Variants in HTR7 observed in about 807,000 individuals in gnomAD.
The protein encoded by HTR7 is 5-hydroxytryptamine receptor 7, also known as 5-HT-7.
In HTR7, 16 loss-of-function variants were observed where a neutral mutation model predicts 34.0. The ratio of observed to expected loss-of-function variants is 0.47; its 90% CI spans 0.32 to 0.71. The LOEUF is 0.71. Ranked by LOEUF, HTR7 falls within the 30% of genes least tolerant of loss-of-function variation. The probability of loss-of-function intolerance (pLI) is 0.04; values close to 1 mark genes in which losing one functional copy is unlikely to be tolerated. For synonymous variants in HTR7, 265 were observed against 260.2 expected, an observed-to-expected ratio of 1.02 and a Z score of -0.18; for missense variants, 504 against 625.5, an observed-to-expected ratio of 0.81 and a Z score of 2.07.
At chr10:90,760,931 ATG>A (rs765643994) in intron 1 of HTR7, among the ~76,000 whole-genome samples, 4 of 152,324 alleles carry the variant, frequency 2.6e-5, no homozygotes, top group African/African-American at 7.2e-5. Context: ...TACAATTATT[ATG>A]TGTCAAAAAA....
At chr10:90,841,881 T>A (rs552353140) in intron 1 of HTR7, among the ~76,000 whole-genome samples, 2 of 152,196 alleles carry the variant, frequency 1.3e-5, no homozygotes, top group South Asian at 4.1e-4. Context: ...ACGACTGTAA[T>A]CGCAGCTACT....
At position 90,740,876 on chromosome 10, in the gene HTR7, A is replaced by T. The variant is rs1457441849; in HGVS notation, c.*1606T>A. On this transcript the variant is annotated 3_prime_UTR_variant, in exon 4 of 4. Transcript: ENST00000336152. The stretch of plus-strand genomic sequence containing the variant: ...TTCAGCTACAAATAAACTTTATTTG[A>T]TGTAATGTAATAAAACATTTTCAAG... 6.6e-6 allele frequency: 1 copy of T among 152,564 alleles called. No individual in the cohort carries two copies. Among genetic ancestry groups the T allele is most frequent in the Non-Finnish European group, 1.5e-5 (1 of 68,016 alleles). The allele number at this position is 152,564 out of a possible 1,614,324, so 9.5% of individuals were successfully genotyped here.
At chr10:90,833,322 G>A (rs1846205391) in intron 1 of HTR7, among the ~76,000 whole-genome samples, 1 of 152,130 alleles carries the variant, frequency 6.6e-6, no homozygotes, top group Admixed American at 6.5e-5. Context: ...GATTTACCAT[G>A]AATAGACCAT....
chr10:90,782,877 T>C lies in HTR7; in HGVS notation c.540-33283A>G, dbSNP rs959117045. ...CTCATACCATTGATTCCATCTTTTA[T>C]ATATTTAAAACAGTGAACATGGCTA... On this transcript the variant is annotated intron_variant, in intron 1 of 3. Coordinates refer to ENST00000336152, the MANE Select transcript of HTR7 (RefSeq NM_019859.4). Among the ~76,000 whole-genome samples, 3 of 152,236 alleles carry C rather than the reference T, an allele frequency of 2.0e-5. No individual in the cohort carries two copies. The East Asian group carries it at 5.8e-4, about 29-fold the overall frequency.
rs528186532 is a variant in HTR7 at position 90,851,403 on chromosome 10, A to G, written c.539+5730T>C. On this transcript the variant is annotated intron_variant, in intron 1 of 3. Coordinates refer to ENST00000336152, the MANE Select transcript of HTR7 (RefSeq NM_019859.4). ...GGGCGGATCATGAGGTCAGGAGATC[A>G]AGACCATCCTGGCTAACAAGGTGAA... 4.4e-3 allele frequency among the ~76,000 whole-genome samples: 662 copies of G among 151,960 alleles called. 5 individuals carry two copies. The highest frequency in any genetic ancestry group is 0.015 in the African/African-American group (631 of 41,464).
intron 1 of HTR7, among the ~76,000 whole-genome samples, chr10:90,761,756 C>G (rs1844940936): frequency 6.6e-6 from 1 of 152,010 alleles, no homozygotes; most frequent in African/African-American, 2.4e-5. Context: ...CATACCTTAT[C>G]CTACAACTAA....
rs141689235 is a variant in HTR7, at chr10:90,810,407, C to T, written c.539+46726G>A. ...ATCTAATCACCCTTACCCCACTCAA[C>T]GCCAGTATCCCATCCCACAGCACGC... On this transcript the variant is annotated intron_variant, in intron 1 of 3. Transcript: ENST00000336152. 1.4e-3 allele frequency among the ~76,000 whole-genome samples: 215 copies of T among 152,274 alleles called. 2 individuals are homozygous for T. Among genetic ancestry groups the T allele is most frequent in the Non-Finnish European group, 2.1e-3 (142 of 68,026 alleles).
intron 1 of HTR7, among the ~76,000 whole-genome samples, chr10:90,838,321 C>G (rs1246293997): frequency 6.6e-6 from 1 of 152,152 alleles, no homozygotes; most frequent in Non-Finnish European, 1.5e-5. Context: ...TCTCCCTCAG[C>G]GCCTACATCC....
intron 1 of HTR7, among the ~76,000 whole-genome samples, chr10:90,855,375 G>C (rs939691325): frequency 2.0e-5 from 3 of 152,176 alleles, no homozygotes; most frequent in Non-Finnish European, 2.9e-5. Flanking sequence ...CCTCAATGTA[G>C]CCCAGAAGAG....
At chr10:90,810,031 T>C (rs1477342098) in intron 1 of HTR7, among the ~76,000 whole-genome samples, 1 of 152,190 alleles carries the variant, frequency 6.6e-6, no homozygotes, top group Non-Finnish European at 1.5e-5. Context: ...TACCTCCTTT[T>C]CAAGGGCCTG....
At chr10:90,819,852 A>G (rs1002877607) in intron 1 of HTR7, among the ~76,000 whole-genome samples, 1 of 147,376 alleles carries the variant, frequency 6.8e-6, no homozygotes, top group Non-Finnish European at 1.5e-5. Flanking sequence ...TCCCATCTTA[A>G]AAAAAAAAAA....
chr10:90,835,794 C>G (rs960828561), intron 1 of HTR7, among the ~76,000 whole-genome samples: 1 of 152,120 alleles, frequency 6.6e-6, no homozygotes, highest in Non-Finnish European at 1.5e-5. Context: ...AGAGGGACAC[C>G]TAACCCAGAC....
intron 1 of HTR7, among the ~76,000 whole-genome samples, chr10:90,766,319 T>C (rs1845023679): frequency 6.6e-6 from 1 of 152,238 alleles, no homozygotes. Flanking sequence ...CTATTTTGTT[T>C]GATATAAGTG....
At chr10:90,747,028 T>A (rs1444481296) in intron 2 of HTR7, among the ~76,000 whole-genome samples, 1 of 152,232 alleles carries the variant, frequency 6.6e-6, no homozygotes, top group Non-Finnish European at 1.5e-5. Context: ...TTGACAAGTA[T>A]AACTGCATAA....
intron 1 of HTR7, among the ~76,000 whole-genome samples, chr10:90,820,528 T>C (rs1439673700): frequency 6.6e-6 from 1 of 152,170 alleles, no homozygotes; most frequent in Non-Finnish European, 1.5e-5. Flanking sequence ...AGTTAACCCT[T>C]TGGAATCAAA....
At chr10:90,805,548 T>C (rs1260710312) in intron 1 of HTR7, among the ~76,000 whole-genome samples, 2 of 152,224 alleles carry the variant, frequency 1.3e-5, no homozygotes, top group Non-Finnish European at 1.5e-5. Flanking sequence ...CTTTGAGGTA[T>C]GCATTTTCTA....
intron 1 of HTR7, among the ~76,000 whole-genome samples, chr10:90,789,836 A>G (rs1201611379): frequency 6.6e-6 from 1 of 152,162 alleles, no homozygotes; most frequent in Non-Finnish European, 1.5e-5. Flanking sequence ...GACCTTGAAC[A>G]TATTATGTAA....
chr10:90,770,591 G>A (rs1198902870), intron 1 of HTR7, among the ~76,000 whole-genome samples: 1 of 152,178 alleles, frequency 6.6e-6, no homozygotes, highest in Non-Finnish European at 1.5e-5. Flanking sequence ...TTGGGGCCGA[G>A]CCCGGGCACT....
At chr10:90,827,012 C>G (rs922472589) in intron 1 of HTR7, among the ~76,000 whole-genome samples, 1 of 151,318 alleles carries the variant, frequency 6.6e-6, no homozygotes, top group African/African-American at 2.4e-5. Flanking sequence ...ATTTGCAAGC[C>G]TCATAGTAAC....
Sources: gnomAD v4.1 joint callset for allele counts (sites outside exome capture counted in the v4.1 genomes callset) on GRCh38, gnomAD v4.1.1 for gene constraint, MANE v1.5 for transcripts, NCBI Gene and HGNC (gene_info 2026-07-23, HGNC 2026-07-21) for gene names.